Variants in FANCM observed in about 807,000 individuals in gnomAD.
FANCM encodes the protein Fanconi anemia group M protein.
A neutral mutation model predicts 199.5 loss-of-function variants in FANCM; 140 were observed. The observed-to-expected ratio is 0.70, with a 90% CI of 0.61 to 0.81. FANCM has a LOEUF of 0.81. Among genes scored for constraint, FANCM ranks in the 30% least tolerant of loss-of-function variants. The probability of loss-of-function intolerance (pLI) is 0.00; values close to 1 mark genes in which losing one functional copy is unlikely to be tolerated. For synonymous variants in FANCM, 840 were observed against 836.8 expected, an observed-to-expected ratio of 1.00 and a Z score of -0.07; for missense variants, 2,410 against 2,421.4, an observed-to-expected ratio of 1.00 and a Z score of 0.10.
intron 2 of FANCM, among the ~76,000 whole-genome samples, 159 bp from the exon 3 acceptor site, chr14:45,140,473 G>C (rs983236861): frequency 6.6e-6 from 1 of 152,166 alleles, no homozygotes; most frequent in Non-Finnish European, 1.5e-5. Flanking sequence ...TAAATCATTT[G>C]CTCTTCAGAT....
chr14:45,149,808 A>G (rs1389306975), intron 4 of FANCM, among the ~76,000 whole-genome samples: 1 of 151,876 alleles, frequency 6.6e-6, no homozygotes, highest in Non-Finnish European at 1.5e-5. Flanking sequence ...GGTTCTTACA[A>G]CAACAACAAC....
In FANCM at chr14:45,154,653, G is replaced by T. The variant is rs1887054573; in HGVS notation, c.1184-44G>T. ...TTTTAATAAATAATACATTTTATCA[G>T]TTTTATTATTATTTATTTGAAAACC... On this transcript the variant is annotated intron_variant, in intron 6 of 22. Transcript: ENST00000267430. The T allele has an allele frequency of 4.8e-6, 6 of 1,261,442 alleles. No homozygotes were observed. The South Asian group carries it at 6.8e-5, about 14-fold the overall frequency. The allele number at this position is 1,261,442 out of a possible 1,614,324, so 78.1% of individuals were successfully genotyped here. A position where few individuals can be genotyped will look rare whatever the true frequency, so the allele number is the denominator to read the frequency against.
chr14:45,166,372 C>T (rs567504198), intron 10 of FANCM, among the ~76,000 whole-genome samples: 4 of 152,194 alleles, frequency 2.6e-5, no homozygotes, highest in South Asian at 2.1e-4. Context: ...CTCCGGACCT[C>T]GTGATCTGCC....
At chr14:45,143,886 G>A (rs1456569222) in intron 3 of FANCM, among the ~76,000 whole-genome samples, 1 of 151,490 alleles carries the variant, frequency 6.6e-6, no homozygotes, top group East Asian at 1.9e-4. Context: ...TGGAGACGGG[G>A]TTTCACCATG....
chr14:45,170,571 T>G lies in FANCM; in HGVS notation c.2003-18T>G. The G allele has an allele frequency of 1.9e-6, 3 of 1,568,510 alleles. No homozygotes were observed. The highest frequency in any genetic ancestry group is 2.6e-6 in the Non-Finnish European group (3 of 1,141,564). Reference sequence around the variant, plus strand: ...GATTTTTAAAAAGTCTCTTTTCCATTATTTTTTCAACTTATAGGAATGAGG... The same window carrying G: ...GATTTTTAAAAAGTCTCTTTTCCATGATTTTTTCAACTTATAGGAATGAGG... On this transcript the variant is annotated intron_variant, in intron 11 of 22. Transcript: ENST00000267430.
chr14:45,186,861 G>A (rs1472872375), intron 18 of FANCM, among the ~76,000 whole-genome samples: 1 of 152,188 alleles, frequency 6.6e-6, no homozygotes, highest in Non-Finnish European at 1.5e-5. Flanking sequence ...ACATAATTTA[G>A]TAGAATCTCT....
rs1297195582 is a variant in FANCM at position 45,181,502 on chromosome 14, G to A, written c.4295G>A (p.Gly1432Glu). The A allele has an allele frequency of 6.2e-7, 1 of 1,606,612 alleles. No individual in the cohort carries two copies. Among genetic ancestry groups the A allele is most frequent in the Non-Finnish European group, 8.5e-7 (1 of 1,173,390 alleles). Reference sequence around the variant, plus strand: ...CGAAGAAAAGTTAAAAGAGCAAAAGGAAATGTTTTAAACTCTCCTGAGGTG... The same window carrying A: ...CGAAGAAAAGTTAAAAGAGCAAAAGAAAATGTTTTAAACTCTCCTGAGGTG... ...IFRRKVKRAK[G>E]NVLNSPEDQK... The change falls in exon 15 of 23, where the codon GGA (glycine) becomes GAA (glutamate). Residue 1432 changes from glycine (G) to glutamate (E), a missense_variant. Coordinates refer to ENST00000267430, the MANE Select transcript of FANCM (RefSeq NM_020937.4).
At chr14:45,158,091 C>T (rs1271213429) in intron 8 of FANCM, among the ~76,000 whole-genome samples, 3 of 151,998 alleles carry the variant, frequency 2.0e-5, no homozygotes, top group African/African-American at 7.3e-5. Context: ...CCCAGCTACT[C>T]AGAGCATGAG....
chr14:45,189,428 T>C, intron 20 of FANCM, 66 bp downstream of exon 20: 7 of 1,309,118 alleles, frequency 5.3e-6, no homozygotes, highest in Non-Finnish European at 7.7e-6. Context: ...TTCTTTCTTG[T>C]GTGTGTGTTT....
At position 45,200,174 on chromosome 14, in the gene FANCM, A is replaced by G. The variant is rs1336928743; in HGVS notation, c.*166A>G. ...ATTATAGAAATTATTAAAAAAGAAA[A>G]ATCTGATGTTCAGTGATCATTTTGA... On this transcript the variant is annotated 3_prime_UTR_variant, in exon 23 of 23. Coordinates refer to ENST00000267430, the MANE Select transcript of FANCM (RefSeq NM_020937.4). 2 of 226,382 alleles carry G rather than the reference A, an allele frequency of 8.8e-6. No individual in the cohort carries two copies. The highest frequency in any genetic ancestry group is 2.3e-5 in the African/African-American group (1 of 43,112). 14.0% of individuals were successfully genotyped at this position (226,382 alleles called of 1,614,324 possible).
chr14:45,165,760 A>G (rs2139209375), intron 10 of FANCM, among the ~76,000 whole-genome samples: 1 of 152,300 alleles, frequency 6.6e-6, no homozygotes, highest in South Asian at 2.1e-4. Flanking sequence ...TCCCTAGCCA[A>G]GTTACTTAAC....
intron 5 of FANCM, among the ~76,000 whole-genome samples, chr14:45,152,585 A>G (rs567203669): frequency 6.6e-6 from 1 of 152,228 alleles, no homozygotes; most frequent in Non-Finnish European, 1.5e-5. Flanking sequence ...AGACACAAAA[A>G]AGGGCACCGA....
chr14:45,185,257 C>A lies in FANCM; in HGVS notation c.4556C>A (p.Ser1519Tyr), dbSNP rs541910037. 1 of 1,605,484 alleles carries A rather than the reference C, an allele frequency of 6.2e-7. No homozygotes were observed. Among genetic ancestry groups the A allele is most frequent in the Non-Finnish European group, 8.5e-7 (1 of 1,173,316 alleles). The stretch of plus-strand genomic sequence containing the variant: ...TTTTTAGATGATGAAGCAGAACTTT[C>A]TGAAGAAGATGCAGAATATGTTTCA... ...RKFLDDEAEL[S>Y]EEDAEYVSSD... The change falls in exon 18 of 23, where the codon TCT (serine) becomes TAT (tyrosine). Residue 1519 changes from serine (S) to tyrosine (Y), a missense_variant. By Grantham distance (144) the Ser-to-Tyr change is moderately radical. Coordinates refer to ENST00000267430, the MANE Select transcript of FANCM (RefSeq NM_020937.4).
chr14:45,170,589 G>T lies in FANCM; in HGVS notation c.2003G>T (p.Gly668Val). ...TTTCCATTATTTTTTCAACTTATAG[G>T]AATGAGGCAAAGTAGCCTAAAGAAA... is the stretch of plus-strand genomic sequence containing the variant. ...RKSSIFSYRD[G>V]MRQSSLKKDW... is the part of the protein sequence containing the mutation. The change falls in exon 12 of 23, where the codon GGA (glycine) becomes GTA (valine). Residue 668 changes from glycine to valine, a missense_variant and splice_region_variant. By Grantham distance (109) the Gly-to-Val change is moderately radical (BLOSUM62 -3). Coordinates refer to ENST00000267430, the MANE Select transcript of FANCM (RefSeq NM_020937.4). 1 of 1,593,826 alleles carries T rather than the reference G, an allele frequency of 6.3e-7. No homozygotes were observed. Among genetic ancestry groups the T allele is most frequent in the South Asian group, 1.1e-5 (1 of 90,424 alleles).
intron 8 of FANCM, 37 bp from the exon 9 acceptor site, chr14:45,159,059 A>G: frequency 7.7e-7 from 1 of 1,292,950 alleles, no homozygotes; most frequent in Non-Finnish European, 1.1e-6. Flanking sequence ...AATGCTTTGT[A>G]AAAAGTTGTA....
In FANCM at chr14:45,176,634, GTTA is replaced by G. The variant is rs1312125043; in HGVS notation, c.3885_3887del (p.Ile1296del). On this transcript the variant is annotated inframe_deletion, in exon 14 of 23. Transcript: ENST00000267430. The stretch of plus-strand genomic sequence containing the variant: ...TAGTAAAAATTTTACTAGTGGAACT[GTTA>G]TTATCCCATCAAATGAAGATATGCA... 3 of 1,613,536 alleles carry G rather than the reference GTTA, an allele frequency of 1.9e-6. No individual in the cohort carries two copies. Among genetic ancestry groups the G allele is most frequent in the Admixed American group, 1.7e-5 (1 of 59,982 alleles).
chr14:45,183,691 G>A (rs750178807), intron 16 of FANCM, 83 bp from the exon 17 acceptor site: 14 of 846,996 alleles, frequency 1.7e-5, no homozygotes, highest in Non-Finnish European at 2.3e-5. Flanking sequence ...TTTATAACAT[G>A]GCTCTGAGTT....
intron 21 of FANCM, among the ~76,000 whole-genome samples, chr14:45,198,147 C>T (rs923942014): frequency 1.3e-5 from 2 of 151,768 alleles, no homozygotes; most frequent in African/African-American, 4.8e-5. Context: ...AGAAAAGTAT[C>T]GGGGGCCATA....
At chr14:45,182,669 A>G (rs978111916) in intron 16 of FANCM, among the ~76,000 whole-genome samples, 1 of 152,188 alleles carries the variant, frequency 6.6e-6, no homozygotes, top group Admixed American at 6.6e-5. Flanking sequence ...AGACTAGCAA[A>G]TCTTGTCTGT....
Sources: allele counts gnomAD v4.1 joint callset (sites outside exome capture counted in the v4.1 genomes callset), GRCh38; gene constraint gnomAD v4.1.1; transcripts MANE v1.5; gene names NCBI Gene and HGNC (gene_info 2026-07-23, HGNC 2026-07-21).